FOXO1: variants seen among roughly 807,000 people sequenced by gnomAD.
FOXO1 encodes forkhead box protein O1.
Under a neutral mutation model 44.1 loss-of-function variants are expected in FOXO1, and 6 were observed. The ratio of observed to expected loss-of-function variants is 0.14; its 90% CI spans 0.07 to 0.27. The LOEUF is 0.27. FOXO1 is among the 10% of genes least tolerant of loss of function. The pLI is 1.00. For synonymous variants in FOXO1, 380 were observed against 362.7 expected (o/e 1.05, Z -0.54); for missense variants, 737 against 888.8 (o/e 0.83, Z 2.17).
rs113879169 is a variant in FOXO1, at chr13:40,570,709, C to T, written c.631-9849G>A. Among the ~76,000 whole-genome samples the T allele has an allele frequency of 1.1e-3, 175 of 152,276 alleles. 1 individual carries two copies. The highest frequency in any genetic ancestry group is 4.0e-3 in the African/African-American group (166 of 41,560). On this transcript the variant is annotated intron_variant, in intron 1 of 2. Coordinates refer to ENST00000379561, the MANE Select transcript of FOXO1 (RefSeq NM_002015.4). ...AGCACTACAAAATTTCACTGTGTCCCACATGAGAACCCTGTATTAAAGGAA... is the reference window on the plus strand; with the variant it reads ...AGCACTACAAAATTTCACTGTGTCCTACATGAGAACCCTGTATTAAAGGAA...
chr13:40,626,144 T>C (rs950674390), intron 1 of FOXO1, among the ~76,000 whole-genome samples: 3 of 152,178 alleles, frequency 2.0e-5, no homozygotes, highest in African/African-American at 7.2e-5. Flanking sequence ...CCTAAGGCTA[T>C]TTAAGAAAAC....
rs568316223 is a variant in FOXO1 at position 40,609,710 on chromosome 13, G to C, written c.631-48850C>G. ...ACGCCTAAAGAAATTCTTCAGGGTG[G>C]GGGGGAAAAAAATTCCTCAAGGCCC... On this transcript the variant is annotated intron_variant, in intron 1 of 2. Coordinates refer to ENST00000379561, the MANE Select transcript of FOXO1 (RefSeq NM_002015.4). 3.9e-5 allele frequency among the ~76,000 whole-genome samples: 6 copies of C among 152,146 alleles called. No individual in the cohort carries two copies. In the East Asian group the frequency reaches 5.8e-4, roughly 15 times the overall value.
chr13:40,664,807 ACGCCACCGCCAC>A (rs571800667), intron 1 of FOXO1, among the ~76,000 whole-genome samples: 50 of 149,662 alleles, frequency 3.3e-4, no homozygotes, highest in Non-Finnish European at 4.9e-4. Context: ...GGCCCCTCCC[ACGCCACCGCCAC>A]CGCCACCGCC....
At position 40,568,775 on chromosome 13, in the gene FOXO1, TCTTA is replaced by T. The variant is rs536059975; in HGVS notation, c.631-7919_631-7916del. ...CACTGCTACCCCCACTGTGCAGAGG[TCTTA>T]AAGCATCTCCACTGATCCCAGGGCT... On this transcript the variant is annotated intron_variant, in intron 1 of 2. Coordinates refer to ENST00000379561, the MANE Select transcript of FOXO1 (RefSeq NM_002015.4). Among the ~76,000 whole-genome samples, 15 of 151,732 alleles carry T rather than the reference TCTTA, an allele frequency of 9.9e-5. No homozygotes were observed. In the East Asian group the frequency reaches 2.9e-3, roughly 29 times the overall value.
intron 1 of FOXO1, among the ~76,000 whole-genome samples, chr13:40,585,407 T>G (rs1273497618): frequency 1.3e-5 from 2 of 151,360 alleles, no homozygotes; most frequent in African/African-American, 2.4e-5. Flanking sequence ...AAAAGATTAC[T>G]GCTCCATATG....
At chr13:40,650,337 T>C (rs1877639381) in intron 1 of FOXO1, among the ~76,000 whole-genome samples, 1 of 152,184 alleles carries the variant, frequency 6.6e-6, no homozygotes, top group South Asian at 2.1e-4. Context: ...TATCTTGTGC[T>C]GACCAACTAT....
At chr13:40,618,767 T>C (rs1876508054) in intron 1 of FOXO1, 5 of 501,264 alleles carry the variant, frequency 1.0e-5, no homozygotes, top group South Asian at 7.4e-5. Flanking sequence ...GATCAGATGG[T>C]GGTGGTGACG....
intron 1 of FOXO1, among the ~76,000 whole-genome samples, chr13:40,569,665 C>T (rs183007450): frequency 8.6e-4 from 131 of 152,338 alleles, no homozygotes; most frequent in Non-Finnish European, 1.6e-3. Flanking sequence ...GAGCATTTAA[C>T]TAGCATATTC....
rs1181461720 is a variant in FOXO1 at position 40,619,764 on chromosome 13, G to A, written c.630+45819C>T. The A allele has an allele frequency of 8.5e-6, 7 of 828,142 alleles. No individual in the cohort carries two copies. The Admixed American group carries it at 1.0e-4, about 12-fold the overall frequency. The allele number at this position is 828,142 out of a possible 1,614,324, so 51.3% of individuals were successfully genotyped here. A position where few individuals can be genotyped will look rare whatever the true frequency, so the allele number is the denominator to read the frequency against. ...TAGGAAGATTAAAAAATGGAACTGG[G>A]GGATCAGCTGGCATTCCCAGAGCTA... is the stretch of plus-strand genomic sequence containing the variant. On this transcript the variant is annotated intron_variant, in intron 1 of 2. Transcript: ENST00000379561.
intron 1 of FOXO1, among the ~76,000 whole-genome samples, chr13:40,571,894 A>G (rs1841420551): frequency 6.6e-6 from 1 of 152,236 alleles, no homozygotes; most frequent in African/African-American, 2.4e-5. Context: ...AAAACAAAGA[A>G]CGCATTAGGA....
At chr13:40,653,835 G>T (rs183953303) in intron 1 of FOXO1, among the ~76,000 whole-genome samples, 214 of 152,160 alleles carry the variant, frequency 1.4e-3, no homozygotes, top group Middle Eastern at 0.01. Flanking sequence ...CCTTCAAGAT[G>T]GGGAAACCAC....
At chr13:40,574,412 G>A (rs1002810387) in intron 1 of FOXO1, among the ~76,000 whole-genome samples, 1 of 152,334 alleles carries the variant, frequency 6.6e-6, no homozygotes, top group South Asian at 2.1e-4. Flanking sequence ...GGTGCATTGT[G>A]AAGATTAAAT....
chr13:40,596,481 G>C (rs989863582), intron 1 of FOXO1, among the ~76,000 whole-genome samples: 1 of 152,196 alleles, frequency 6.6e-6, no homozygotes, highest in African/African-American at 2.4e-5. Context: ...TGTAGCTTTG[G>C]AGATCCTGAC....
At chr13:40,655,952 T>G (rs982583345) in intron 1 of FOXO1, among the ~76,000 whole-genome samples, 1 of 152,180 alleles carries the variant, frequency 6.6e-6, no homozygotes, top group African/African-American at 2.4e-5. Flanking sequence ...TCCTCAACAC[T>G]TGCCATTTCT....
At chr13:40,608,658 T>C (rs1271630064) in intron 1 of FOXO1, among the ~76,000 whole-genome samples, 3 of 152,246 alleles carry the variant, frequency 2.0e-5, no homozygotes, top group Non-Finnish European at 2.9e-5. Context: ...TTACATTTTA[T>C]TGATTTCTCC....
rs114541797 is a variant in FOXO1 at position 40,662,979 on chromosome 13, A to G, written c.630+2604T>C. ...CTAACCAAAAGACTAGTTATGAGTT[A>G]GAACAGCTCAGGTTGTTTCTTTTCT... On this transcript the variant is annotated intron_variant, in intron 1 of 2. Transcript: ENST00000379561. Among the ~76,000 whole-genome samples, 225 of 152,392 alleles carry G rather than the reference A, an allele frequency of 1.5e-3. 1 individual carries two copies. Among genetic ancestry groups the G allele is most frequent in the African/African-American group, 5.2e-3 (217 of 41,596 alleles).
At chr13:40,635,178 G>A (rs1042482247) in intron 1 of FOXO1, among the ~76,000 whole-genome samples, 1 of 148,706 alleles carries the variant, frequency 6.7e-6, no homozygotes, top group Admixed American at 6.8e-5. Context: ...CAAAGAAATC[G>A]TAATACCTAG....
chr13:40,639,401 C>T (rs987384349), intron 1 of FOXO1, among the ~76,000 whole-genome samples: 7 of 152,160 alleles, frequency 4.6e-5, no homozygotes, highest in African/African-American at 1.2e-4. Context: ...GAGCCCTACA[C>T]GTCATTCTTC....
chr13:40,623,322 GCTGA>G (rs774434096), intron 1 of FOXO1, among the ~76,000 whole-genome samples: 179 of 152,140 alleles, frequency 1.2e-3, no homozygotes, highest in Middle Eastern at 6.8e-3. Context: ...TATTACTGTT[GCTGA>G]CTATTATGAA....
Sources: gnomAD v4.1 joint callset for allele counts (sites outside exome capture counted in the v4.1 genomes callset) on GRCh38, gnomAD v4.1.1 for gene constraint, MANE v1.5 for transcripts, NCBI Gene and HGNC (gene_info 2026-07-23, HGNC 2026-07-21) for gene names.